COL19A1: variants seen among roughly 807,000 people sequenced by gnomAD.
The protein encoded by COL19A1 is collagen type XIX alpha 1 chain, also known as collagen alpha-1(XIX) chain.
In COL19A1, 159 loss-of-function variants were observed where a neutral mutation model predicts 190.2. The observed-to-expected ratio is 0.84, with a 90% CI of 0.73 to 0.95. The LOEUF is 0.95. Among genes scored for constraint, COL19A1 ranks in the 40% least tolerant of loss-of-function variants. The probability of loss-of-function intolerance (pLI) is 0.00; values close to 1 mark genes in which losing one functional copy is unlikely to be tolerated. For synonymous variants in COL19A1, 509 were observed against 458.9 expected, an observed-to-expected ratio of 1.11 and a Z score of -1.39; for missense variants, 1,418 against 1,431.9, an observed-to-expected ratio of 0.99 and a Z score of 0.16.
intron 17 of COL19A1, among the ~76,000 whole-genome samples, chr6:70,129,727 G>T (rs560944293): frequency 6.6e-6 from 1 of 152,346 alleles, no homozygotes; most frequent in East Asian, 1.9e-4. Flanking sequence ...TGGTGCCTGA[G>T]AACTTGCATT....
At chr6:70,041,428 A>G (rs1179389011) in intron 14 of COL19A1, among the ~76,000 whole-genome samples, 2 of 152,178 alleles carry the variant, frequency 1.3e-5, no homozygotes, top group African/African-American at 4.8e-5. Flanking sequence ...CATTTTAAAA[A>G]TAGCACATCT....
chr6:70,061,581 C>A (rs73486368), intron 14 of COL19A1, among the ~76,000 whole-genome samples: 6,479 of 152,034 alleles, frequency 0.043, 449 homozygotes, highest in African/African-American at 0.15. Context: ...AATATTATAT[C>A]CTTGCATTAG....
At chr6:70,023,124 TA>T in intron 11 of COL19A1, among the ~76,000 whole-genome samples, 1 of 151,390 alleles carries the variant, frequency 6.6e-6, no homozygotes, top group East Asian at 1.9e-4. Flanking sequence ...TAATCATTTT[TA>T]TGCAGCTATT....
chr6:69,928,060 T>C (rs1772512354), intron 5 of COL19A1, 28 bp downstream of exon 5: 2 of 1,601,526 alleles, frequency 1.2e-6, no homozygotes, highest in Non-Finnish European at 1.7e-6. Flanking sequence ...TTGTGCTCAT[T>C]AGTTTTCCTT....
chr6:69,925,578 TG>T (rs1772318125), intron 4 of COL19A1, among the ~76,000 whole-genome samples: 1 of 152,202 alleles, frequency 6.6e-6, no homozygotes, highest in African/African-American at 2.4e-5. Context: ...GGCTCTTTTT[TG>T]GTTCCATATG....
chr6:69,964,240 A>C (rs1375500081), intron 11 of COL19A1, among the ~76,000 whole-genome samples: 3 of 152,198 alleles, frequency 2.0e-5, no homozygotes, highest in African/African-American at 7.2e-5. Flanking sequence ...TTCCTCACAG[A>C]ACTCAGAAAG....
intron 4 of COL19A1, among the ~76,000 whole-genome samples, chr6:69,903,976 C>T (rs1423192044): frequency 1.3e-5 from 2 of 152,190 alleles, no homozygotes; most frequent in African/African-American, 2.4e-5. Context: ...CCCGCAGCAA[C>T]ACTGTGAAAG....
intron 17 of COL19A1, among the ~76,000 whole-genome samples, chr6:70,128,342 G>T (rs1393502726): frequency 6.6e-6 from 1 of 152,186 alleles, no homozygotes; most frequent in East Asian, 1.9e-4. Flanking sequence ...GAGTGCTGGG[G>T]AGAAAGTGTT....
intron 9 of COL19A1, among the ~76,000 whole-genome samples, chr6:69,943,239 A>T (rs1582476579): frequency 6.6e-6 from 1 of 151,858 alleles, no homozygotes; most frequent in African/African-American, 2.4e-5. Flanking sequence ...TTAAAATCAG[A>T]TTATTGGGGT....
rs936229304 is a variant in COL19A1, at chr6:70,209,182, G to A, written c.*1908G>A. 6 of 152,480 alleles carry A rather than the reference G, an allele frequency of 3.9e-5. No homozygotes were observed. Among genetic ancestry groups the A allele is most frequent in the Non-Finnish European group, 8.8e-5 (6 of 68,002 alleles). 9.4% of individuals were successfully genotyped at this position (152,480 alleles called of 1,614,324 possible). A position where few individuals can be genotyped will look rare whatever the true frequency, so the allele number is the denominator to read the frequency against. Reference sequence around the variant, plus strand: ...ACATAGATCTAAAATTTGGTGCTATGTGTATATCTTGAGCTTTTAATTTGT... The same window carrying A: ...ACATAGATCTAAAATTTGGTGCTATATGTATATCTTGAGCTTTTAATTTGT... On this transcript the variant is annotated 3_prime_UTR_variant, in exon 51 of 51. Transcript: ENST00000620364.
chr6:70,049,936 G>C (rs1192618541), intron 14 of COL19A1, among the ~76,000 whole-genome samples: 1 of 151,876 alleles, frequency 6.6e-6, no homozygotes, highest in East Asian at 1.9e-4. Context: ...TATATTAAAT[G>C]GAACTAAAAA....
intron 14 of COL19A1, among the ~76,000 whole-genome samples, chr6:70,040,482 T>TATATAAACCTATAGGA (rs1779583287): frequency 6.6e-6 from 1 of 152,220 alleles, no homozygotes; most frequent in East Asian, 1.9e-4. Flanking sequence ...CACTCTCTAA[T>TATATAAACCTATAGGA]ATATAAGAAA....
Position 70,190,785 on chromosome 6 carries a change from C to T in COL19A1, c.3094+404C>T, listed in dbSNP as rs534645052. On this transcript the variant is annotated intron_variant, in intron 48 of 50. Coordinates refer to ENST00000620364, the MANE Select transcript of COL19A1 (RefSeq NM_001858.6). ...TCTCATTTACCAAGGAATATTTTGA[C>T]CAATGCAGAGTAGTGTCTTTTTATT... Among the ~76,000 whole-genome samples, 4 of 152,260 alleles carry T rather than the reference C, an allele frequency of 2.6e-5. No individual in the cohort carries two copies. The South Asian group carries it at 8.3e-4, about 32-fold the overall frequency.
intron 49 of COL19A1, among the ~76,000 whole-genome samples, chr6:70,203,580 A>G (rs1324342673): frequency 2.1e-5 from 3 of 144,946 alleles, no homozygotes; most frequent in Non-Finnish European, 4.5e-5. Context: ...CACCATGCCC[A>G]CCGTAAACAA....
intron 15 of COL19A1, among the ~76,000 whole-genome samples, chr6:70,072,928 C>A (rs73486380): frequency 0.054 from 8,212 of 152,040 alleles, 726 homozygotes; most frequent in African/African-American, 0.19. Flanking sequence ...ATACAGGTTG[C>A]ACCACAGACT....
rs563798480 is a variant in COL19A1 at position 70,172,685 on chromosome 6, T to G, written c.2622+668T>G. 1.2e-4 allele frequency among the ~76,000 whole-genome samples: 19 copies of G among 152,312 alleles called. 1 individual carries two copies. The highest frequency in any genetic ancestry group is 4.1e-4 in the African/African-American group (17 of 41,590). On this transcript the variant is annotated intron_variant, in intron 41 of 50. Transcript: ENST00000620364. The stretch of plus-strand genomic sequence containing the variant: ...GTGATGGTAGAATTATCTTTGTTCA[T>G]GATATGTTAGAAAATAAATAAAAGA...
chr6:70,143,540 C>G (rs1456846902), intron 23 of COL19A1, among the ~76,000 whole-genome samples: 1 of 152,220 alleles, frequency 6.6e-6, no homozygotes, highest in African/African-American at 2.4e-5. Flanking sequence ...CTTAGGATCT[C>G]TCCTTTTTTC....
intron 11 of COL19A1, among the ~76,000 whole-genome samples, chr6:69,979,548 G>A: frequency 6.6e-6 from 1 of 151,644 alleles, no homozygotes; most frequent in South Asian, 2.1e-4. Flanking sequence ...TTCTTAAAAA[G>A]GGCAAAAATA....
chr6:69,975,048 C>T (rs757462417), intron 11 of COL19A1, among the ~76,000 whole-genome samples: 5 of 152,040 alleles, frequency 3.3e-5, no homozygotes, highest in African/African-American at 4.8e-5. Flanking sequence ...CTCCTGACCT[C>T]GTGATCCACC....
Sources: gnomAD v4.1 joint callset for allele counts (sites outside exome capture counted in the v4.1 genomes callset) on GRCh38, gnomAD v4.1.1 for gene constraint, MANE v1.5 for transcripts, NCBI Gene and HGNC (gene_info 2026-07-23, HGNC 2026-07-21) for gene names.